Variants in CDC42BPA observed in about 807,000 individuals in gnomAD.
CDC42BPA encodes CDC42 binding protein kinase alpha, also known as serine/threonine-protein kinase MRCK alpha.
In CDC42BPA, 80 loss-of-function variants were observed where a neutral mutation model predicts 223.5. The observed-to-expected ratio is 0.36, with a 90% CI of 0.30 to 0.43. The LOEUF (loss-of-function observed/expected upper bound fraction) is 0.43, where lower values mean the gene tolerates loss of function less well. Ranked by LOEUF, CDC42BPA falls within the 20% of genes least tolerant of loss-of-function variation. The probability of loss-of-function intolerance (pLI) is 1.00; values close to 1 mark genes in which losing one functional copy is unlikely to be tolerated. For synonymous variants in CDC42BPA, 694 were observed against 718.6 expected, an observed-to-expected ratio of 0.97 and a Z score of 0.55; for missense variants, 1,743 against 2,099.9, an observed-to-expected ratio of 0.83 and a Z score of 3.32.
At chr1:227,243,951 C>T (rs1031912726) in intron 2 of CDC42BPA, among the ~76,000 whole-genome samples, 2 of 151,100 alleles carry the variant, frequency 1.3e-5, no homozygotes. Flanking sequence ...CAAATGTAGG[C>T]GCTATCAAGA....
chr1:226,998,404 G>T lies in CDC42BPA; in HGVS notation c.4976-3424C>A, dbSNP rs561365192. Among the ~76,000 whole-genome samples, 8 of 152,226 alleles carry T rather than the reference G, an allele frequency of 5.3e-5. No individual in the cohort carries two copies. The South Asian group carries it at 1.7e-3, about 32-fold the overall frequency. ...ACCTGATTTCAAACTATACTACAAG[G>T]CTACAGTAACCAAAACAACAAGGTA... On this transcript the variant is annotated intron_variant, in intron 35 of 36. Coordinates refer to ENST00000366766, the MANE Select transcript of CDC42BPA (RefSeq NM_001394014.1).
chr1:227,268,329 C>G (rs1039622543), intron 1 of CDC42BPA, among the ~76,000 whole-genome samples: 2 of 152,002 alleles, frequency 1.3e-5, no homozygotes, highest in Non-Finnish European at 2.9e-5. Flanking sequence ...TTTATTGTAG[C>G]CTTTACAGAA....
Position 227,034,746 on chromosome 1 carries a change from T to TA in CDC42BPA, c.3384dup (p.Ile1129TyrfsTer4). The TA allele has an allele frequency of 6.2e-7, 1 of 1,613,748 alleles. No individual in the cohort carries two copies. The highest frequency in any genetic ancestry group is 8.5e-7 in the Non-Finnish European group (1 of 1,179,714). On this transcript the variant is annotated frameshift_variant, in exon 26 of 37. Transcript: ENST00000366766. LOFTEE classifies it high-confidence loss of function. ...AGAAAGAGTTTGAAGTCACACACTA[T>TA]AGCCAGTGCTCTCTGCCACCCTTTC... is the stretch of plus-strand genomic sequence containing the variant.
Position 227,029,085 on chromosome 1 carries a change from C to G in CDC42BPA, c.4004G>C (p.Gly1335Ala). The G allele has an allele frequency of 1.2e-6, 2 of 1,613,804 alleles. No individual in the cohort carries two copies. The highest frequency in any genetic ancestry group is 2.2e-5 in the South Asian group (2 of 91,084). The change falls in exon 30 of 37, where the codon GGG becomes GCG. Residue 1335 changes from glycine (G) to alanine (A), a missense_variant. By Grantham distance (60) the Gly-to-Ala change is moderately conservative. Transcript: ENST00000366766. ...CTTTCCAGAAGTTACGGTTTGACAC[C>G]CTTTAGTTTCTGACAGCTTGTAAAA... The part of the protein sequence containing the change: ...TDFYKLSETK[G>A]CQTVTSGKVR...
In CDC42BPA at chr1:227,235,907, G is replaced by A. The variant is rs1459017478; in HGVS notation, c.270+18157C>T. Among the ~76,000 whole-genome samples the A allele has an allele frequency of 2.0e-5, 3 of 152,132 alleles. No homozygotes were observed. The East Asian group carries it at 5.8e-4, about 29-fold the overall frequency. ...TTCCCATATATAATCAGTATCTCTT[G>A]GCAAGTACTTTCTTTCTAGATTTGG... is the stretch of plus-strand genomic sequence containing the variant. On this transcript the variant is annotated intron_variant, in intron 2 of 36. Coordinates refer to ENST00000366766, the MANE Select transcript of CDC42BPA (RefSeq NM_001394014.1).
intron 30 of CDC42BPA, among the ~76,000 whole-genome samples, chr1:227,028,243 T>C (rs184326255): frequency 6.6e-6 from 1 of 152,220 alleles, no homozygotes; most frequent in African/African-American, 2.4e-5. Flanking sequence ...ACACCTCTTA[T>C]AGATGTTACA....
At chr1:227,045,008 C>G (rs1168421998) in intron 23 of CDC42BPA, among the ~76,000 whole-genome samples, 3 of 152,176 alleles carry the variant, frequency 2.0e-5, no homozygotes, top group African/African-American at 7.2e-5. Flanking sequence ...CCCCCTTACC[C>G]CTTTCTATTG....
chr1:227,158,011 G>A (rs1663137749), intron 6 of CDC42BPA, among the ~76,000 whole-genome samples: 1 of 150,724 alleles, frequency 6.6e-6, no homozygotes, highest in Non-Finnish European at 1.5e-5. Context: ...AGGCTGGAGT[G>A]CAATGACACC....
chr1:227,215,901 A>G (rs181063072), intron 2 of CDC42BPA, among the ~76,000 whole-genome samples: 13 of 152,356 alleles, frequency 8.5e-5, no homozygotes, highest in Non-Finnish European at 1.6e-4. Context: ...AAACTAAGCC[A>G]CAATATTCAC....
At chr1:227,074,529 G>C (rs1209195083) in intron 17 of CDC42BPA, among the ~76,000 whole-genome samples, 165 bp from the exon 18 acceptor site, 1 of 152,158 alleles carries the variant, frequency 6.6e-6, no homozygotes, top group Non-Finnish European at 1.5e-5. Flanking sequence ...CAACAACTGG[G>C]AAGAGGTTTA....
At chr1:227,001,057 C>T (rs573817549) in intron 35 of CDC42BPA, among the ~76,000 whole-genome samples, 1 of 152,336 alleles carries the variant, frequency 6.6e-6, no homozygotes, top group South Asian at 2.1e-4. Context: ...GAGCGGGTCT[C>T]ATTCCTCAGG....
At chr1:227,168,497 G>GTTTTTTTTTTTGTTTTTT (rs1665481877) in intron 5 of CDC42BPA, among the ~76,000 whole-genome samples, 2 of 80,212 alleles carry the variant, frequency 2.5e-5, no homozygotes, top group East Asian at 3.3e-4. Context: ...CTTCCCTGGT[G>GTTTTTTTTTTTGTTTTTT]TTTTTTTTTT....
rs187420708 is a variant in CDC42BPA, at chr1:227,087,149, T to G, written c.2355+4737A>C. Among the ~76,000 whole-genome samples, 147 of 152,330 alleles carry G rather than the reference T, an allele frequency of 9.7e-4. 2 individuals are homozygous for G. In the South Asian group the frequency reaches 0.016, roughly 17 times the overall value. On this transcript the variant is annotated intron_variant, in intron 16 of 36. Coordinates refer to ENST00000366766, the MANE Select transcript of CDC42BPA (RefSeq NM_001394014.1). ...TGCTTTTAATGTCATTATCTTGACA[T>G]TTTTAACCCTGAATCACAAAGACTT...
At chr1:227,014,118 A>G (rs994263731) in intron 34 of CDC42BPA, among the ~76,000 whole-genome samples, 2 of 152,252 alleles carry the variant, frequency 1.3e-5, no homozygotes, top group East Asian at 3.9e-4. Flanking sequence ...GACTTTAAGC[A>G]AATGTTCCTA....
At chr1:227,213,398 G>A (rs144649569) in intron 2 of CDC42BPA, among the ~76,000 whole-genome samples, 179 bp from the exon 3 acceptor site, 83 of 152,252 alleles carry the variant, frequency 5.5e-4, no homozygotes, top group African/African-American at 1.8e-3. Context: ...GTGAACATGT[G>A]CCAAACTAAT....
chr1:227,250,930 AT>A (rs1256533422), intron 2 of CDC42BPA, among the ~76,000 whole-genome samples: 1 of 151,900 alleles, frequency 6.6e-6, no homozygotes, highest in African/African-American at 2.4e-5. Context: ...GTGCACAGCT[AT>A]AGTCTTAGCT....
chr1:227,106,576 G>C (rs1685973653), intron 14 of CDC42BPA, among the ~76,000 whole-genome samples: 1 of 152,098 alleles, frequency 6.6e-6, no homozygotes, highest in Non-Finnish European at 1.5e-5. Context: ...AATCAGTTAG[G>C]AAGTGTTTCC....
intron 2 of CDC42BPA, among the ~76,000 whole-genome samples, chr1:227,250,598 ATG>A (rs1172353083): frequency 1.3e-5 from 2 of 152,040 alleles, no homozygotes; most frequent in Non-Finnish European, 2.9e-5. Flanking sequence ...ATCGAGTTAT[ATG>A]TGTGTATATT....
chr1:227,114,090 A>T (rs192420065), intron 12 of CDC42BPA, among the ~76,000 whole-genome samples: 1 of 152,026 alleles, frequency 6.6e-6, no homozygotes, highest in Admixed American at 6.6e-5. Flanking sequence ...TCACCACAGG[A>T]AGCTCTACAT....
Sources: allele counts gnomAD v4.1 joint callset (sites outside exome capture counted in the v4.1 genomes callset), GRCh38; gene constraint gnomAD v4.1.1; transcripts MANE v1.5; gene names NCBI Gene and HGNC (gene_info 2026-07-23, HGNC 2026-07-21).